Variants in RPA1 observed in about 807,000 individuals in gnomAD.
RPA1 encodes replication protein A 70 kDa DNA-binding subunit.
RPA1 carries 49 observed loss-of-function variants against 83.0 expected under a neutral mutation model. The observed-to-expected ratio is 0.59, with a 90% confidence interval of 0.47 to 0.75. The LOEUF (loss-of-function observed/expected upper bound fraction) is 0.75. Among genes scored for constraint, RPA1 ranks in the 30% least tolerant of loss-of-function variants. RPA1 has a pLI of 0.00. For synonymous variants in RPA1, 279 were observed against 281.8 expected (o/e 0.99, Z 0.10); for missense variants, 693 against 776.1 (o/e 0.89, Z 1.27).
rs1347121871 is a variant in RPA1, at chr17:1,838,143, T to C, written c.34-4660T>C. Among the ~76,000 whole-genome samples, 5 of 150,648 alleles carry C rather than the reference T, an allele frequency of 3.3e-5. No homozygotes were observed. In the Admixed American group the frequency reaches 3.3e-4, roughly 10 times the overall value. Reference sequence around the variant, plus strand: ...CCCGTCTCTACTAAAAATACAAAATTAGCTGGGCGTGGTGGCAGGCACCTG... The same window carrying C: ...CCCGTCTCTACTAAAAATACAAAATCAGCTGGGCGTGGTGGCAGGCACCTG... On this transcript the variant is annotated intron_variant, in intron 1 of 16. Transcript: ENST00000254719.
At position 1,883,963 on chromosome 17, in the gene RPA1, C is replaced by T; in HGVS notation, c.1374+19C>T. 6.2e-7 allele frequency: 1 copy of T among 1,613,170 alleles called. No individual in the cohort carries two copies. Among genetic ancestry groups the T allele is most frequent in the Non-Finnish European group, 8.5e-7 (1 of 1,179,868 alleles). On this transcript the variant is annotated intron_variant, in intron 13 of 16. Transcript: ENST00000254719. ...CGACAAGGTACCCAGCATTCCTAACCACCTTCACAAAGGGCTGTAAAGTGT... is the reference window on the plus strand; with the variant it reads ...CGACAAGGTACCCAGCATTCCTAACTACCTTCACAAAGGGCTGTAAAGTGT...
intron 14 of RPA1, among the ~76,000 whole-genome samples, chr17:1,889,328 TAA>T (rs887362057): frequency 1.1e-5 from 1 of 93,022 alleles, no homozygotes; most frequent in Non-Finnish European, 2.5e-5. Flanking sequence ...AAGTTGGGTT[TAA>T]AAAAATTTTT....
chr17:1,896,830 G>T (rs1459007739), intron 16 of RPA1, among the ~76,000 whole-genome samples: 3 of 152,176 alleles, frequency 2.0e-5, no homozygotes, highest in African/African-American at 7.2e-5. Context: ...TAGGATTCTA[G>T]GCTTCTGGGT....
chr17:1,836,830 T>TA (rs34257982), intron 1 of RPA1, among the ~76,000 whole-genome samples: 45,880 of 137,852 alleles, frequency 0.33, 9,531 homozygotes, highest in Non-Finnish European at 0.48. Flanking sequence ...CTTGGCTAAT[T>TA]AAAAAAAAAT....
At chr17:1,893,519 G>A (rs1597462582) in intron 15 of RPA1, among the ~76,000 whole-genome samples, 1 of 152,154 alleles carries the variant, frequency 6.6e-6, no homozygotes, top group East Asian at 1.9e-4. Flanking sequence ...TTCACGCCGT[G>A]CGTGACTTGC....
intron 12 of RPA1, among the ~76,000 whole-genome samples, chr17:1,882,976 T>TG (rs1158074917): frequency 1.3e-5 from 2 of 152,094 alleles, no homozygotes; most frequent in East Asian, 3.9e-4. Flanking sequence ...TCTTCACCAC[T>TG]GGGGGGCATC....
intron 4 of RPA1, among the ~76,000 whole-genome samples, chr17:1,851,545 A>T (rs1313686411): frequency 6.6e-6 from 1 of 152,126 alleles, no homozygotes; most frequent in Non-Finnish European, 1.5e-5. Context: ...ATATTAGTGT[A>T]TTCTTTTAAT....
chr17:1,880,444 C>A, intron 11 of RPA1, 99 bp from the exon 12 acceptor site: 2 of 1,283,570 alleles, frequency 1.6e-6, no homozygotes, highest in Non-Finnish European at 1.1e-6. Context: ...ACGCTGATTA[C>A]ATTCACTCTA....
At chr17:1,888,383 AT>A (rs1325114059) in intron 13 of RPA1, among the ~76,000 whole-genome samples, 3 of 152,200 alleles carry the variant, frequency 2.0e-5, no homozygotes. Context: ...CAGGAAAACA[AT>A]TTCACTTTTA....
At position 1,884,238 on chromosome 17, in the gene RPA1, C is replaced by T. The variant is rs79158133; in HGVS notation, c.1374+294C>T. Among the ~76,000 whole-genome samples the T allele has an allele frequency of 3.5e-3, 528 of 152,298 alleles. 7 individuals carry two copies. Among genetic ancestry groups the T allele is most frequent in the African/African-American group, 0.012 (509 of 41,556 alleles). The stretch of plus-strand genomic sequence containing the variant: ...ACAGTCAAGCTTTGTGGTATAATAT[C>T]ACCTGCTTTCGGGTCCACGTTTCTT... On this transcript the variant is annotated intron_variant, in intron 13 of 16. Transcript: ENST00000254719. The surrounding 1 kb of genome is among the most constrained non-coding windows in gnomAD (Gnocchi z 4.1).
intron 1 of RPA1, among the ~76,000 whole-genome samples, chr17:1,834,947 C>T (rs1911758082): frequency 6.6e-6 from 1 of 152,054 alleles, no homozygotes; most frequent in Non-Finnish European, 1.5e-5. Context: ...CTGCAACCTT[C>T]ACCTCCCAGG....
chr17:1,839,765 G>T (rs999929057), intron 1 of RPA1, among the ~76,000 whole-genome samples: 4 of 147,868 alleles, frequency 2.7e-5, no homozygotes, highest in African/African-American at 1.0e-4. Flanking sequence ...CCTCTGAGTA[G>T]CTGGGACGAC....
chr17:1,855,400 G>C (rs534139173), intron 5 of RPA1, among the ~76,000 whole-genome samples: 1 of 152,014 alleles, frequency 6.6e-6, no homozygotes, highest in East Asian at 1.9e-4. Context: ...TGTTGGCCAG[G>C]CTGGTCTCGA....
At chr17:1,891,135 A>C (rs540933042) in intron 14 of RPA1, among the ~76,000 whole-genome samples, 1 of 152,342 alleles carries the variant, frequency 6.6e-6, no homozygotes, top group South Asian at 2.1e-4. Context: ...GTTTCTACAA[A>C]GGCTTTTACT....
intron 5 of RPA1, among the ~76,000 whole-genome samples, chr17:1,869,217 T>G (rs554037573): frequency 2.0e-5 from 3 of 152,318 alleles, no homozygotes; most frequent in African/African-American, 7.2e-5. Context: ...TGCAAATAAT[T>G]TGAGGTGCTA....
Position 1,880,675 on chromosome 17 carries a change from T to A in RPA1, c.1225T>A (p.Tyr409Asn). ...IIANPDIPEA[Y>N]KLRGWFDAEG... ...TGCGAATCCTGACATCCCAGAGGCCTATAAGCTTCGTGGATGGTAGGTTTT... is the reference window on the plus strand; with the variant it reads ...TGCGAATCCTGACATCCCAGAGGCCAATAAGCTTCGTGGATGGTAGGTTTT... Residue 409 changes from tyrosine to asparagine, a missense_variant, in exon 12 of 17, where the codon TAT becomes AAT. Tyr to Asn is a moderately radical substitution (Grantham distance 143). Transcript: ENST00000254719. 1 of 1,613,634 alleles carries A rather than the reference T, an allele frequency of 6.2e-7. No homozygotes were observed. Among genetic ancestry groups the A allele is most frequent in the Non-Finnish European group, 8.5e-7 (1 of 1,179,982 alleles).
At chr17:1,841,049 C>A (rs900237660) in intron 1 of RPA1, among the ~76,000 whole-genome samples, 10 of 151,980 alleles carry the variant, frequency 6.6e-5, no homozygotes, top group Non-Finnish European at 1.3e-4. Flanking sequence ...CACGACAGAG[C>A]GAAACTCCGT....
chr17:1,831,835 G>A (rs1342080765), intron 1 of RPA1, among the ~76,000 whole-genome samples: 3 of 148,418 alleles, frequency 2.0e-5, no homozygotes, highest in African/African-American at 2.5e-5. Flanking sequence ...TCCTGACCTT[G>A]TGATTCGCCC....
At position 1,878,743 on chromosome 17, in the gene RPA1, A is replaced by G. The variant is rs377564465; in HGVS notation, c.691-250A>G. Reference sequence around the variant, plus strand: ...TCTGTTTCTCAGTTGAGGCTAATGCAGCATGATTATGGGATCGGCTAGCTG... The same window carrying G: ...TCTGTTTCTCAGTTGAGGCTAATGCGGCATGATTATGGGATCGGCTAGCTG... On this transcript the variant is annotated intron_variant, in intron 8 of 16. Transcript: ENST00000254719. Among the ~76,000 whole-genome samples, 20 of 152,328 alleles carry G rather than the reference A, an allele frequency of 1.3e-4. No individual in the cohort carries two copies. The East Asian group carries it at 3.7e-3, about 28-fold the overall frequency.
Sources: allele counts gnomAD v4.1 joint callset (sites outside exome capture counted in the v4.1 genomes callset), GRCh38; gene constraint gnomAD v4.1.1; non-coding constraint Gnocchi (gnomAD v3.1); transcripts MANE v1.5; gene names NCBI Gene and HGNC (gene_info 2026-07-23, HGNC 2026-07-21).